PKD1L3: variants seen among roughly 807,000 people sequenced by gnomAD.
The protein encoded by PKD1L3 is polycystin 1 like 3, transient receptor potential channel interacting, also known as polycystin-1-like protein 3.
In PKD1L3, 239 loss-of-function variants were observed where a neutral mutation model predicts 184.1. The observed-to-expected ratio is 1.30, with a 90% CI of 1.17 to 1.45. PKD1L3 has a LOEUF of 1.45. Ranked by LOEUF, PKD1L3 falls within the 40% of genes most tolerant of loss-of-function variation. PKD1L3 has a pLI of 0.00. For synonymous variants in PKD1L3, 996 were observed against 778.8 expected (o/e 1.28, Z -4.64); for missense variants, 2,660 against 2,067.2 (o/e 1.29, Z -5.56).
At chr16:71,973,075 C>T (rs1160938816) in intron 12 of PKD1L3, among the ~76,000 whole-genome samples, 1 of 152,218 alleles carries the variant, frequency 6.6e-6, no homozygotes, top group Non-Finnish European at 1.5e-5. Context: ...CCACACTTGT[C>T]AGATCCACCC....
chr16:71,994,843 T>C (rs1351825698), intron 2 of PKD1L3, among the ~76,000 whole-genome samples: 1 of 151,872 alleles, frequency 6.6e-6, no homozygotes, highest in East Asian at 1.9e-4. Flanking sequence ...CTACTAAAAA[T>C]ACAAAAATTA....
rs765710486 is a variant in PKD1L3, at chr16:71,942,652, C to A, written c.4232G>T (p.Cys1411Phe). The change falls in exon 24 of 30, where the codon TGT (cysteine) becomes TTT (phenylalanine). Residue 1411 changes from cysteine to phenylalanine, a missense_variant. Transcript: ENST00000620267. ...AATCAGCACCATGGGCCTGGGTGAA[C>A]AGATGTAACTGAACCTCCTTAGATG... ...GLHLRRFSYI[C>F]SPRPMVLIPT... 2 of 1,551,730 alleles carry A rather than the reference C, an allele frequency of 1.3e-6. No individual in the cohort carries two copies. Among genetic ancestry groups the A allele is most frequent in the Non-Finnish European group, 1.7e-6 (2 of 1,147,010 alleles).
intron 13 of PKD1L3, among the ~76,000 whole-genome samples, 197 bp downstream of exon 13, chr16:71,969,678 G>GA (rs928895069): frequency 8.9e-5 from 13 of 145,510 alleles, no homozygotes; most frequent in African/African-American, 2.0e-4. Context: ...GGAACCAAAG[G>GA]AAAAAAAAAT....
chr16:71,964,309 C>CTTTTTTTTTTTTTTTTTTTTTTT, intron 15 of PKD1L3, among the ~76,000 whole-genome samples: 1 of 56,658 alleles, frequency 1.8e-5, no homozygotes, highest in Non-Finnish European at 3.2e-5. Flanking sequence ...TCGTCAAAAT[C>CTTTTTTTTTTTTTTTTTTTTTTT]TTTTTTTTTT....
chr16:71,980,760 G>T (rs528995889), intron 7 of PKD1L3, among the ~76,000 whole-genome samples: 2 of 152,096 alleles, frequency 1.3e-5, no homozygotes, highest in East Asian at 3.9e-4. Flanking sequence ...GCTTAAACCC[G>T]GGAGGTGGAG....
chr16:71,989,288 G>T (rs528816975), intron 4 of PKD1L3, among the ~76,000 whole-genome samples: 1 of 152,294 alleles, frequency 6.6e-6, no homozygotes, highest in Admixed American at 6.5e-5. Flanking sequence ...CCAAGTAGCT[G>T]GGATTACAGG....
At position 71,969,945 on chromosome 16, in the gene PKD1L3, G is replaced by T; in HGVS notation, c.2114C>A (p.Ala705Asp). Residue 705 changes from alanine to aspartate, a missense_variant, in exon 13 of 30, where the codon GCC (alanine) becomes GAC (aspartate). Transcript: ENST00000620267. ...GATCACATAAAATCCTAAAAGGCTG[G>T]CCAGCAGTGACACCCCAACAGGATT... ...TNNPVGVSLLASLLGFYVITV... is the reference protein window; with the variant it reads ...TNNPVGVSLLDSLLGFYVITV... The T allele has an allele frequency of 6.4e-7, 1 of 1,551,866 alleles. No homozygotes were observed. Among genetic ancestry groups the T allele is most frequent in the Non-Finnish European group, 8.7e-7 (1 of 1,147,050 alleles).
At chr16:71,976,262 G>GTTTTTTTTTT (rs1567534640) in intron 11 of PKD1L3, among the ~76,000 whole-genome samples, 1 of 25,206 alleles carries the variant, frequency 4.0e-5, no homozygotes, top group Admixed American at 2.3e-4. Flanking sequence ...TGCCCAGCCT[G>GTTTTTTTTTT]TCTTTTTTTT....
chr16:71,968,533 G>C (rs993612535), intron 13 of PKD1L3, among the ~76,000 whole-genome samples: 1 of 152,174 alleles, frequency 6.6e-6, no homozygotes, highest in African/African-American at 2.4e-5. Flanking sequence ...CACATGGAAA[G>C]AAGAGGCTGT....
intron 28 of PKD1L3, among the ~76,000 whole-genome samples, chr16:71,931,725 A>G (rs1052031112): frequency 1.3e-5 from 2 of 152,058 alleles, no homozygotes; most frequent in Non-Finnish European, 2.9e-5. Context: ...TTGGCCTTCT[A>G]GAGTGCTGGG....
intron 22 of PKD1L3, among the ~76,000 whole-genome samples, chr16:71,944,667 C>G (rs1444754529): frequency 6.6e-6 from 1 of 151,832 alleles, no homozygotes; most frequent in African/African-American, 2.4e-5. Context: ...TTGAGACCAG[C>G]CTGGGCAACA....
At chr16:71,980,392 C>T (rs773885320) in intron 7 of PKD1L3, among the ~76,000 whole-genome samples, 4 of 152,138 alleles carry the variant, frequency 2.6e-5, no homozygotes, top group African/African-American at 4.8e-5. Flanking sequence ...GACCTGCTCA[C>T]GATAGAGTTT....
At chr16:71,994,049 T>C (rs1597379522) in intron 2 of PKD1L3, among the ~76,000 whole-genome samples, 1 of 152,126 alleles carries the variant, frequency 6.6e-6, no homozygotes, top group African/African-American at 2.4e-5. Context: ...GGATTACAGG[T>C]GTGAGCCACC....
chr16:71,970,124 C>T lies in PKD1L3; in HGVS notation c.1954-19G>A, dbSNP rs372171519. 25 of 1,524,054 alleles carry T rather than the reference C, an allele frequency of 1.6e-5. No individual in the cohort carries two copies. The highest frequency in any genetic ancestry group is 1.2e-4 in the East Asian group (5 of 40,806). 94.4% of individuals were successfully genotyped at this position (1,524,054 alleles called of 1,614,324 possible). A position where few individuals can be genotyped will look rare whatever the true frequency, so the allele number is the denominator to read the frequency against. On this transcript the variant is annotated intron_variant, in intron 12 of 29. Coordinates refer to ENST00000620267, the MANE Select transcript of PKD1L3 (RefSeq NM_181536.2). ...GCCCAACCTGGAATTAGAATCAAGA[C>T]GTTGATTCTAGTCAGACAGAGTGCT...
chr16:71,992,287 A>G (rs372890475), intron 3 of PKD1L3, among the ~76,000 whole-genome samples: 5 of 152,368 alleles, frequency 3.3e-5, no homozygotes, highest in African/African-American at 1.2e-4. Context: ...GAGATTTTAA[A>G]AAGTATTCCT....
chr16:71,959,608 A>C (rs1001214219), intron 16 of PKD1L3, among the ~76,000 whole-genome samples: 2 of 152,194 alleles, frequency 1.3e-5, no homozygotes, highest in Non-Finnish European at 2.9e-5. Flanking sequence ...GAGGTTACTC[A>C]AGAACGGTTA....
At chr16:71,989,731 C>A (rs1478497731) in intron 4 of PKD1L3, among the ~76,000 whole-genome samples, 5 of 152,170 alleles carry the variant, frequency 3.3e-5, no homozygotes, top group African/African-American at 1.2e-4. Context: ...AATACCCAAC[C>A]AACAAACACT....
At chr16:71,970,919 T>C (rs886569870) in intron 12 of PKD1L3, among the ~76,000 whole-genome samples, 1 of 152,212 alleles carries the variant, frequency 6.6e-6, no homozygotes, top group African/African-American at 2.4e-5. Flanking sequence ...ATATGTACAG[T>C]ATAATGCCAT....
rs533212808 is a variant in PKD1L3 at position 71,951,599 on chromosome 16, C to T, written c.3155G>A (p.Gly1052Asp). 2 of 1,551,644 alleles carry T rather than the reference C, an allele frequency of 1.3e-6. No homozygotes were observed. The highest frequency in any genetic ancestry group is 1.7e-6 in the Non-Finnish European group (2 of 1,147,002). Residue 1052 changes from glycine to aspartate, a missense_variant, in exon 19 of 30, where the codon GGC becomes GAC. Gly to Asp is a moderately conservative substitution (Grantham distance 94, BLOSUM62 -1). Transcript: ENST00000620267. ...SLVSSHLEGQ[G>D]CHQQGERHWA... is the part of the protein sequence containing the mutation. The stretch of plus-strand genomic sequence containing the variant: ...GTGGCGCTCTCCCTGCTGATGACAG[C>T]CTTGACCCTCCAAGTGAGATGATAC...
Sources: allele counts gnomAD v4.1 joint callset (sites outside exome capture counted in the v4.1 genomes callset), GRCh38; gene constraint gnomAD v4.1.1; transcripts MANE v1.5; gene names NCBI Gene and HGNC (gene_info 2026-07-23, HGNC 2026-07-21).